Variants in MSH3 observed in about 807,000 individuals in gnomAD.
The protein encoded by MSH3 is mutS homolog 3.
In MSH3, 106 loss-of-function variants were observed where a neutral mutation model predicts 123.3. The observed-to-expected ratio is 0.86, with a 90% CI of 0.73 to 1.01. The LOEUF (loss-of-function observed/expected upper bound fraction) is 1.01. Among genes scored for constraint, MSH3 ranks in the 50% least tolerant of loss-of-function variants. The pLI, the probability that MSH3 is intolerant of heterozygous loss-of-function variation, is 0.00. For missense variants in MSH3, 1,459 were observed against 1,347.6 expected, an observed-to-expected ratio of 1.08 and a Z score of -1.29; for synonymous variants, 515 against 481.4, an observed-to-expected ratio of 1.07 and a Z score of -0.91.
chr5:80,764,968 A>G (rs1036632375), intron 13 of MSH3, among the ~76,000 whole-genome samples: 7 of 152,058 alleles, frequency 4.6e-5, no homozygotes, highest in African/African-American at 1.7e-4. Context: ...CTGCCACCAT[A>G]CTTGTGGGTC....
At chr5:80,695,189 A>G (rs1181732994) in intron 8 of MSH3, among the ~76,000 whole-genome samples, 1 of 131,208 alleles carries the variant, frequency 7.6e-6, no homozygotes. Flanking sequence ...TTTTATTTTT[A>G]TTGCAGTCTG....
intron 12 of MSH3, among the ~76,000 whole-genome samples, chr5:80,758,035 C>T (rs999306898): frequency 4.6e-5 from 7 of 152,096 alleles, no homozygotes; most frequent in African/African-American, 1.4e-4. Flanking sequence ...TTTAGACCTC[C>T]ATAATTATTA....
chr5:80,759,785 G>A (rs550779904), intron 12 of MSH3, among the ~76,000 whole-genome samples: 3 of 152,294 alleles, frequency 2.0e-5, no homozygotes, highest in African/African-American at 7.2e-5. Context: ...TATAGTAGTG[G>A]CTGTAGAGGT....
chr5:80,863,346 G>A lies in MSH3; in HGVS notation c.3001-1467G>A, dbSNP rs536218054. Among the ~76,000 whole-genome samples, 6 of 152,206 alleles carry A rather than the reference G, an allele frequency of 3.9e-5. No homozygotes were observed. The East Asian group carries it at 1.2e-3, about 29-fold the overall frequency. ...GTTTGGTTTTATATATTTTAGGGAG[G>A]CATGAGACATAAATCAAATACATTT... On this transcript the variant is annotated intron_variant, in intron 21 of 23. Transcript: ENST00000265081.
intron 20 of MSH3, among the ~76,000 whole-genome samples, chr5:80,825,394 A>T (rs934012949): frequency 3.3e-5 from 5 of 152,116 alleles, no homozygotes; most frequent in African/African-American, 4.8e-5. Context: ...TTCCCCCCTC[A>T]GTGTTATATA....
chr5:80,729,949 A>T (rs1743381916), intron 10 of MSH3, among the ~76,000 whole-genome samples: 1 of 152,184 alleles, frequency 6.6e-6, no homozygotes, highest in African/African-American at 2.4e-5. Flanking sequence ...AAATGACAGA[A>T]TAGAAATTAA....
At chr5:80,734,992 T>A (rs1667757717) in intron 10 of MSH3, among the ~76,000 whole-genome samples, 1 of 152,232 alleles carries the variant, frequency 6.6e-6, no homozygotes, top group Non-Finnish European at 1.5e-5. Flanking sequence ...ATGCAGTTAC[T>A]TTTTTATGAA....
At chr5:80,767,503 G>T (rs950995991) in intron 13 of MSH3, among the ~76,000 whole-genome samples, 1 of 152,008 alleles carries the variant, frequency 6.6e-6, no homozygotes, top group African/African-American at 2.4e-5. Context: ...CTCTTTCTAT[G>T]AGCTGCATAT....
chr5:80,744,473 A>G (rs1278061835), intron 11 of MSH3, 33 bp from the exon 12 acceptor site: 2 of 1,442,896 alleles, frequency 1.4e-6, no homozygotes, highest in Non-Finnish European at 1.9e-6. Context: ...ATAATTGTCT[A>G]GTTAATAAAA....
At chr5:80,803,868 G>T (rs1580059536) in intron 19 of MSH3, among the ~76,000 whole-genome samples, 1 of 152,044 alleles carries the variant, frequency 6.6e-6, no homozygotes, top group Admixed American at 6.6e-5. Context: ...TGCACTGTAG[G>T]TGTGTGAATT....
At chr5:80,750,609 G>GTA (rs1214999147) in intron 12 of MSH3, among the ~76,000 whole-genome samples, 1 of 152,074 alleles carries the variant, frequency 6.6e-6, no homozygotes, top group Non-Finnish European at 1.5e-5. Flanking sequence ...TGAGTTCCCT[G>GTA]TATATTTGGT....
chr5:80,791,485 A>G (rs1333748716), intron 18 of MSH3, among the ~76,000 whole-genome samples: 2 of 152,208 alleles, frequency 1.3e-5, no homozygotes, highest in Non-Finnish European at 2.9e-5. Context: ...CTGATGAGCA[A>G]TGACATTCAG....
chr5:80,876,063 A>T lies in MSH3; in HGVS notation c.*201A>T, dbSNP rs1311746370. The T allele has an allele frequency of 1.2e-5, 7 of 564,442 alleles. No individual in the cohort carries two copies. Among genetic ancestry groups the T allele is most frequent in the African/African-American group, 1.9e-5 (1 of 53,164 alleles). The allele number at this position is 564,442 out of a possible 1,614,324, so 35.0% of individuals were successfully genotyped here. Reference sequence around the variant, plus strand: ...CTTCCTAACTTTTCTACGTATAAACACTCTTGAATAGACTTCCACTTTGTA... The same window carrying T: ...CTTCCTAACTTTTCTACGTATAAACTCTCTTGAATAGACTTCCACTTTGTA... On this transcript the variant is annotated 3_prime_UTR_variant, in exon 24 of 24. Coordinates refer to ENST00000265081, the MANE Select transcript of MSH3 (RefSeq NM_002439.5).
intron 22 of MSH3, among the ~76,000 whole-genome samples, chr5:80,866,948 G>A (rs778411063): frequency 6.6e-5 from 10 of 152,090 alleles, no homozygotes; most frequent in Non-Finnish European, 7.3e-5. Context: ...TGCCTCTCTA[G>A]ATGTTTTTCC....
intron 20 of MSH3, among the ~76,000 whole-genome samples, chr5:80,831,531 G>T (rs1422794401): frequency 6.6e-6 from 1 of 152,068 alleles, no homozygotes; most frequent in African/African-American, 2.4e-5. Flanking sequence ...ACCATATGGT[G>T]CCTACATATC....
intron 12 of MSH3, chr5:80,746,881 G>C (rs980870367): frequency 2.1e-5 from 4 of 188,802 alleles, no homozygotes; most frequent in Admixed American, 6.1e-5. Flanking sequence ...CATCAGCAAA[G>C]AAGAGGAAGG....
At chr5:80,814,521 T>G (rs550297554) in intron 20 of MSH3, among the ~76,000 whole-genome samples, 79 of 152,358 alleles carry the variant, frequency 5.2e-4, no homozygotes, top group African/African-American at 1.7e-3. Context: ...GCCGCCCGCC[T>G]TGGCCTCTCC....
At chr5:80,871,579 G>A (rs1306363130) in intron 22 of MSH3, among the ~76,000 whole-genome samples, 1 of 152,132 alleles carries the variant, frequency 6.6e-6, no homozygotes, top group East Asian at 1.9e-4. Context: ...CTGTTGGCAT[G>A]CCTTAGGCTC....
intron 12 of MSH3, among the ~76,000 whole-genome samples, chr5:80,750,568 G>T (rs746869421): frequency 7.2e-5 from 11 of 152,078 alleles, no homozygotes; most frequent in Non-Finnish European, 1.6e-4. Flanking sequence ...TTTTTAAATA[G>T]GGTTATTTGT....
Sources: allele counts gnomAD v4.1 joint callset (sites outside exome capture counted in the v4.1 genomes callset), GRCh38; gene constraint gnomAD v4.1.1; transcripts MANE v1.5; gene names NCBI Gene and HGNC (gene_info 2026-07-23, HGNC 2026-07-21).